The following SEMA6D variants were observed in gnomAD, a reference collection of about 807,000 sequenced individuals.
The protein encoded by SEMA6D is semaphorin-6D.
Under a neutral mutation model 106.6 loss-of-function variants are expected in SEMA6D, and 35 were observed. The observed-to-expected ratio is 0.33, with a 90% CI of 0.25 to 0.44. The LOEUF is 0.44. SEMA6D is among the 20% of genes least tolerant of loss of function. The pLI, the probability that SEMA6D is intolerant of heterozygous loss-of-function variation, is 1.00. For missense variants in SEMA6D, 1,185 were observed against 1,345.9 expected (o/e 0.88, Z 1.87); for synonymous variants, 499 against 487.7 (o/e 1.02, Z -0.31).
chr15:47,408,584 T>C (rs1300253448), intron 1 of SEMA6D, among the ~76,000 whole-genome samples: 1 of 152,192 alleles, frequency 6.6e-6, no homozygotes, highest in African/African-American at 2.4e-5. Flanking sequence ...TTGCTATGTA[T>C]ATTCTAAGGT....
chr15:47,226,391 A>C (rs566485862), intron 1 of SEMA6D, among the ~76,000 whole-genome samples: 1 of 152,072 alleles, frequency 6.6e-6, no homozygotes, highest in East Asian at 1.9e-4. Context: ...GCAATTATCT[A>C]TGCAGATTTA....
intron 1 of SEMA6D, among the ~76,000 whole-genome samples, chr15:47,348,242 A>C (rs557194698): frequency 1.9e-4 from 29 of 152,220 alleles, no homozygotes; most frequent in African/African-American, 7.0e-4. Context: ...CTTGGGTTTA[A>C]ATAGAGCTAA....
chr15:47,695,992 A>G (rs923840553), intron 4 of SEMA6D, among the ~76,000 whole-genome samples: 1 of 152,140 alleles, frequency 6.6e-6, no homozygotes, highest in Non-Finnish European at 1.5e-5. Context: ...ACATAAACAT[A>G]TTTACCGATG....
intron 1 of SEMA6D, among the ~76,000 whole-genome samples, chr15:47,317,255 C>T (rs1473471116): frequency 6.6e-6 from 1 of 151,770 alleles, no homozygotes; most frequent in East Asian, 1.9e-4. Flanking sequence ...AGTTATGGCC[C>T]CTCTTTCATT....
chr15:47,734,962 T>C (rs1319627835), intron 1 of SEMA6D, among the ~76,000 whole-genome samples: 1 of 152,320 alleles, frequency 6.6e-6, no homozygotes, highest in Non-Finnish European at 1.5e-5. Context: ...ATTATTCTGC[T>C]CATTTCATTT....
intron 3 of SEMA6D, among the ~76,000 whole-genome samples, chr15:47,577,922 G>T (rs1172332576): frequency 6.6e-6 from 1 of 152,218 alleles, no homozygotes; most frequent in African/African-American, 2.4e-5. Context: ...GGAAGAAAAT[G>T]TAGGTGCCAG....
At chr15:47,318,248 T>C (rs2036769007) in intron 1 of SEMA6D, among the ~76,000 whole-genome samples, 1 of 151,756 alleles carries the variant, frequency 6.6e-6, no homozygotes, top group Admixed American at 6.6e-5. Context: ...AACTTTTTTT[T>C]TAAATTTTTC....
At chr15:47,334,059 A>G (rs1320735349) in intron 1 of SEMA6D, among the ~76,000 whole-genome samples, 2 of 152,126 alleles carry the variant, frequency 1.3e-5, no homozygotes, top group African/African-American at 2.4e-5. Flanking sequence ...TGCACTTTTT[A>G]TTTTATCACA....
At chr15:47,410,952 A>G (rs942057772) in intron 1 of SEMA6D, among the ~76,000 whole-genome samples, 1 of 152,150 alleles carries the variant, frequency 6.6e-6, no homozygotes, top group African/African-American at 2.4e-5. Context: ...TAATTTTTTC[A>G]AAGAAAATAT....
chr15:47,326,543 G>C (rs2037136259), intron 1 of SEMA6D, among the ~76,000 whole-genome samples: 1 of 152,194 alleles, frequency 6.6e-6, no homozygotes, highest in South Asian at 2.1e-4. Context: ...GTTGTAGCCT[G>C]GTTTACATTT....
chr15:47,670,077 A>T (rs1458705802), intron 4 of SEMA6D, among the ~76,000 whole-genome samples: 1 of 152,132 alleles, frequency 6.6e-6, no homozygotes, highest in African/African-American at 2.4e-5. Context: ...TGCATCCTTC[A>T]AGACCTTGTT....
intron 1 of SEMA6D, among the ~76,000 whole-genome samples, chr15:47,277,171 G>A (rs1013310930): frequency 2.0e-5 from 3 of 152,102 alleles, no homozygotes; most frequent in Non-Finnish European, 2.9e-5. Flanking sequence ...TCTTGAGATG[G>A]ACTCTACTCC....
chr15:47,606,085 T>G (rs1322221700), intron 4 of SEMA6D, among the ~76,000 whole-genome samples: 1 of 152,146 alleles, frequency 6.6e-6, no homozygotes, highest in East Asian at 1.9e-4. Context: ...AGAACACATA[T>G]GCTCCTATCA....
At chr15:47,197,303 C>G (rs1894425547) in intron 1 of SEMA6D, among the ~76,000 whole-genome samples, 1 of 152,166 alleles carries the variant, frequency 6.6e-6, no homozygotes, top group South Asian at 2.1e-4. Context: ...TTAACTGGTT[C>G]TCTGTGTGCC....
intron 3 of SEMA6D, among the ~76,000 whole-genome samples, chr15:47,548,142 G>T (rs2045579304): frequency 6.6e-6 from 1 of 152,120 alleles, no homozygotes; most frequent in Non-Finnish European, 1.5e-5. Context: ...GGAAATGAAG[G>T]GCTTTTCAAA....
intron 2 of SEMA6D, among the ~76,000 whole-genome samples, chr15:47,444,675 G>C (rs1303082673): frequency 1.3e-5 from 2 of 152,068 alleles, no homozygotes; most frequent in Non-Finnish European, 2.9e-5. Flanking sequence ...TGGTCACCAT[G>C]TGCTCAAACC....
intron 1 of SEMA6D, among the ~76,000 whole-genome samples, chr15:47,226,245 A>G (rs2031656252): frequency 6.6e-6 from 1 of 152,084 alleles, no homozygotes; most frequent in African/African-American, 2.4e-5. Flanking sequence ...TTTTCCCTTC[A>G]CAGACCTGAG....
At chr15:47,418,074 G>A (rs2041035487) in intron 2 of SEMA6D, among the ~76,000 whole-genome samples, 1 of 152,016 alleles carries the variant, frequency 6.6e-6, no homozygotes, top group South Asian at 2.1e-4. Context: ...AAAAAGAGGA[G>A]ATATGAAATG....
At chr15:47,340,347 TA>T (rs78181284) in intron 1 of SEMA6D, among the ~76,000 whole-genome samples, 1,727 of 142,716 alleles carry the variant, frequency 0.012, 14 homozygotes, top group Non-Finnish European at 0.01. Flanking sequence ...AGTGCTAACT[TA>T]AAAAAAAAAA....
Sources: gnomAD v4.1 joint callset for allele counts (sites outside exome capture counted in the v4.1 genomes callset) on GRCh38, gnomAD v4.1.1 for gene constraint, MANE v1.5 for transcripts, NCBI Gene and HGNC (gene_info 2026-07-23, HGNC 2026-07-21) for gene names.